HP1BP3: variants seen among roughly 807,000 people sequenced by gnomAD.
The protein encoded by HP1BP3 is heterochromatin protein 1 binding protein 3.
Under a neutral mutation model 62.5 loss-of-function variants are expected in HP1BP3, and 12 were observed. The ratio of observed to expected loss-of-function variants is 0.19; its 90% CI spans 0.12 to 0.31. The LOEUF (loss-of-function observed/expected upper bound fraction) is 0.31. Ranked by LOEUF, HP1BP3 falls within the 10% of genes least tolerant of loss-of-function variation. HP1BP3 has a pLI of 1.00. For missense variants in HP1BP3, 502 were observed against 651.8 expected (o/e 0.77, Z 2.50); for synonymous variants, 260 against 237.8 (o/e 1.09, Z -0.86).
chr1:20,757,662 C>A (rs1347982631), intron 8 of HP1BP3, among the ~76,000 whole-genome samples: 1 of 152,102 alleles, frequency 6.6e-6, no homozygotes, highest in African/African-American at 2.4e-5. Flanking sequence ...TGAGGCACCA[C>A]GCCTGGCTGA....
intron 1 of HP1BP3, among the ~76,000 whole-genome samples, chr1:20,785,850 G>T (rs1238479532): frequency 6.6e-6 from 1 of 152,176 alleles, no homozygotes; most frequent in Non-Finnish European, 1.5e-5. Context: ...AAATCAAAAA[G>T]CTAACAAGTT....
intron 6 of HP1BP3, among the ~76,000 whole-genome samples, chr1:20,769,760 C>G (rs558632101): frequency 2.0e-5 from 3 of 152,130 alleles, no homozygotes; most frequent in Non-Finnish European, 4.4e-5. Flanking sequence ...GAAAGCTGGA[C>G]TCCTAGCTCC....
At chr1:20,748,282 T>TA (rs1302375810) in intron 10 of HP1BP3, among the ~76,000 whole-genome samples, 2 of 152,202 alleles carry the variant, frequency 1.3e-5, no homozygotes, top group Non-Finnish European at 2.9e-5. Context: ...CATAAATCAG[T>TA]AAACAGTAAC....
chr1:20,766,127 A>C (rs1237669761), intron 7 of HP1BP3, among the ~76,000 whole-genome samples: 1 of 152,186 alleles, frequency 6.6e-6, no homozygotes, highest in Admixed American at 6.5e-5. Flanking sequence ...CTCTGTCTCT[A>C]ATAAAAATAC....
At chr1:20,782,966 G>A (rs1227405127) in intron 1 of HP1BP3, among the ~76,000 whole-genome samples, 1 of 150,244 alleles carries the variant, frequency 6.7e-6, no homozygotes, top group Non-Finnish European at 1.5e-5. Flanking sequence ...TAAAAAATTA[G>A]CTGGTCACTG....
At chr1:20,757,806 A>C (rs184688968) in intron 8 of HP1BP3, among the ~76,000 whole-genome samples, 10 of 152,266 alleles carry the variant, frequency 6.6e-5, no homozygotes, top group African/African-American at 2.4e-4. Context: ...GTTGCAAAAA[A>C]ATCACTGTTA....
At chr1:20,771,099 G>T (rs373882719) in intron 5 of HP1BP3, 26 bp from the exon 6 acceptor site, 12 of 1,538,550 alleles carry the variant, frequency 7.8e-6, no homozygotes, top group African/African-American at 1.4e-5. Flanking sequence ...TAAACTAGTT[G>T]TTTTTTTTTA....
chr1:20,756,947 T>C (rs1299296485), intron 9 of HP1BP3, among the ~76,000 whole-genome samples: 2 of 152,184 alleles, frequency 1.3e-5, no homozygotes, highest in African/African-American at 4.8e-5. Flanking sequence ...CAACCGCAGG[T>C]GATCCACCTG....
intron 4 of HP1BP3, chr1:20,774,368 A>ACC (rs1437073156): frequency 6.6e-6 from 1 of 151,794 alleles, no homozygotes; most frequent in Non-Finnish European, 1.5e-5. Context: ...ACACAAACAC[A>ACC]CCCACACCCA....
Position 20,767,569 on chromosome 1 carries a change from G to A in HP1BP3, c.735+15C>T. The A allele has an allele frequency of 6.4e-7, 1 of 1,550,504 alleles. No homozygotes were observed. The highest frequency in any genetic ancestry group is 8.9e-7 in the Non-Finnish European group (1 of 1,125,554). On this transcript the variant is annotated intron_variant, in intron 7 of 12. Coordinates refer to ENST00000438032, the MANE Select transcript of HP1BP3 (RefSeq NM_001372052.1). ...ACAGCTCCACAGCACTCAAACTGTG[G>A]TATAGATGTCTTACCTTTCTGTTTC...
intron 9 of HP1BP3, among the ~76,000 whole-genome samples, chr1:20,752,678 C>T (rs529731287): frequency 6.6e-6 from 1 of 152,154 alleles, no homozygotes; most frequent in South Asian, 2.1e-4. Flanking sequence ...GGCAGAGACA[C>T]AAAAATGTGG....
chr1:20,785,152 A>ATCC (rs2057763883), intron 1 of HP1BP3, among the ~76,000 whole-genome samples: 1 of 152,076 alleles, frequency 6.6e-6, no homozygotes, highest in Non-Finnish European at 1.5e-5. Context: ...GATTCAAGCG[A>ATCC]TCCTCCTCTT....
intron 8 of HP1BP3, among the ~76,000 whole-genome samples, chr1:20,758,366 GACGC>G (rs2056253929): frequency 6.7e-6 from 1 of 149,706 alleles, no homozygotes; most frequent in Admixed American, 6.6e-5. Flanking sequence ...TTTTTTTTGA[GACGC>G]ATTCTCCCTC....
At chr1:20,753,849 A>G (rs1470102182) in intron 9 of HP1BP3, among the ~76,000 whole-genome samples, 1 of 152,190 alleles carries the variant, frequency 6.6e-6, no homozygotes, top group African/African-American at 2.4e-5. Context: ...GGAAACTAGT[A>G]GTATATATAG....
intron 3 of HP1BP3, among the ~76,000 whole-genome samples, chr1:20,778,369 TAG>T (rs1190568462): frequency 5.9e-5 from 9 of 152,250 alleles, no homozygotes; most frequent in African/African-American, 1.4e-4. Context: ...CAAAATGGGA[TAG>T]AGAGAAGATT....
chr1:20,756,922 C>G (rs983712430), intron 9 of HP1BP3, among the ~76,000 whole-genome samples: 1 of 152,140 alleles, frequency 6.6e-6, no homozygotes, highest in African/African-American at 2.4e-5. Flanking sequence ...TTTCACCAGG[C>G]TGGTCTCGAA....
intron 9 of HP1BP3, among the ~76,000 whole-genome samples, chr1:20,750,816 CTTTTTTTTTT>C (rs767621434): frequency 2.6e-5 from 3 of 116,534 alleles, no homozygotes; most frequent in African/African-American, 9.8e-5. Flanking sequence ...TATTTTCTCT[CTTTTTTTTTT>C]TTTTTTTTTG....
Position 20,744,978 on chromosome 1 carries a change from A to G in HP1BP3, c.1481T>C (p.Leu494Ser). Residue 494 changes from leucine to serine, a missense_variant, in exon 13 of 13, where the codon TTG (leucine) becomes TCG (serine). Physicochemically the swap from Leu to Ser is moderately radical, Grantham distance 145 (BLOSUM62 -2). Around this residue, in one of 5 missense-constraint regions of HP1BP3, gnomAD observed 194 missense variants for 207.0 expected, o/e 0.94. Coordinates refer to ENST00000438032, the MANE Select transcript of HP1BP3 (RefSeq NM_001372052.1). ...GGCCTTAGGAGGTGCTTTCTTAGGC[A>G]AGGGCCTAGCTTTCCCCCGCTGGGC... ...SAAQRGKARP[L>S]PKKAPPKAKT... 1 of 1,614,164 alleles carries G rather than the reference A, an allele frequency of 6.2e-7. No individual in the cohort carries two copies. Among genetic ancestry groups the G allele is most frequent in the Non-Finnish European group, 8.5e-7 (1 of 1,180,026 alleles).
chr1:20,745,144 T>G, intron 12 of HP1BP3, 53 bp from the exon 13 acceptor site: 2 of 1,531,856 alleles, frequency 1.3e-6, no homozygotes, highest in Non-Finnish European at 1.8e-6. Flanking sequence ...AGATTCGTTT[T>G]GTTGGGACAA....
Sources: gnomAD v4.1 joint callset for allele counts (sites outside exome capture counted in the v4.1 genomes callset) on GRCh38, gnomAD v4.1.1 for gene constraint, gnomAD v4.1.1 regional missense constraint, MANE v1.5 for transcripts, NCBI Gene and HGNC (gene_info 2026-07-23, HGNC 2026-07-21) for gene names.